The following PACS2 variants were observed in gnomAD, a reference collection of about 807,000 sequenced individuals.
PACS2 encodes the protein phosphofurin acidic cluster sorting protein 2.
In PACS2, 36 loss-of-function variants were observed where a neutral mutation model predicts 113.0. The ratio of observed to expected loss-of-function variants is 0.32; its 90% CI spans 0.24 to 0.42. The LOEUF is 0.42. Among genes scored for constraint, PACS2 ranks in the 10% least tolerant of loss-of-function variants. The probability of loss-of-function intolerance (pLI) is 1.00; values close to 1 mark genes in which losing one functional copy is unlikely to be tolerated. For missense variants in PACS2, 1,015 were observed against 1,239.5 expected, an observed-to-expected ratio of 0.82 and a Z score of 2.72; for synonymous variants, 589 against 536.1, an observed-to-expected ratio of 1.10 and a Z score of -1.36.
chr14:105,346,246 G>A (rs75511794), intron 1 of PACS2, among the ~76,000 whole-genome samples: 2,183 of 152,210 alleles, frequency 0.014, 57 homozygotes, highest in African/African-American at 0.05. Context: ...GGGTAGGTCC[G>A]TCTTCCAGTG....
chr14:105,394,178 G>A lies in PACS2; in HGVS notation c.2597-376G>A. 4.1e-6 allele frequency: 4 copies of A among 985,342 alleles called. No individual in the cohort carries two copies. In the South Asian group the frequency reaches 1.4e-4, roughly 35 times the overall value. 61.0% of individuals were successfully genotyped at this position (985,342 alleles called of 1,614,324 possible). On this transcript the variant is annotated intron_variant, in intron 24 of 24. Coordinates refer to ENST00000447393, the MANE Select transcript of PACS2 (RefSeq NM_001100913.3). The stretch of plus-strand genomic sequence containing the variant: ...CGACGTGGCCCTGTCTCCCCACAGG[G>A]GTCTCTGTTTTAAGGGGGCTCCCAC...
At chr14:105,314,562 AGCGCGCGCGCACCTCACTTCCG>A (rs2058469477), upstream of PACS2, 1 of 144,930 alleles carries the variant, frequency 6.9e-6, no homozygotes, top group African/African-American at 2.5e-5. Context: ...CGCCGGAGGA[AGCGCGCGCGCACCTCACTTCCG>A]GCGCGCGCTG....
At position 105,357,608 on chromosome 14, in the gene PACS2, G is replaced by T. The variant is rs1307767396; in HGVS notation, c.423+2431G>T. On this transcript the variant is annotated intron_variant, in intron 4 of 24. Coordinates refer to ENST00000447393, the MANE Select transcript of PACS2 (RefSeq NM_001100913.3). This position sits in a 1 kb window ranked among gnomAD's most constrained non-coding sequence, Gnocchi z 5.1. ...CTGTGTCCTGCCACCTTTTGGGGCT[G>T]GTTCCCACCTGTGAGCGTTGCTGGC... Among the ~76,000 whole-genome samples the T allele has an allele frequency of 6.6e-6, 1 of 152,182 alleles. No homozygotes were observed. Among genetic ancestry groups the T allele is most frequent in the African/African-American group, 2.4e-5 (1 of 41,448 alleles).
intron 4 of PACS2, among the ~76,000 whole-genome samples, chr14:105,364,483 G>GGCGGC (rs1555407480): frequency 8.9e-5 from 13 of 146,656 alleles, no homozygotes; most frequent in East Asian, 4.0e-4. Flanking sequence ...GTGCGCGGTG[G>GGCGGC]GTGGCGGCCC....
intron 2 of PACS2, among the ~76,000 whole-genome samples, chr14:105,349,014 G>T (rs2060049777): frequency 6.6e-6 from 1 of 152,234 alleles, no homozygotes; most frequent in Admixed American, 6.5e-5. Context: ...TGGTGCCAGG[G>T]CCTCTCTCCT....
Position 105,330,477 on chromosome 14 carries a change from A to C in PACS2, c.119+15440A>C, listed in dbSNP as rs139234344. 2.3e-3 allele frequency among the ~76,000 whole-genome samples: 347 copies of C among 152,272 alleles called. 2 individuals carry two copies. The highest frequency in any genetic ancestry group is 7.4e-3 in the African/African-American group (308 of 41,562). On this transcript the variant is annotated intron_variant, in intron 1 of 24. Coordinates refer to ENST00000447393, the MANE Select transcript of PACS2 (RefSeq NM_001100913.3). The surrounding 1 kb of genome is among the most constrained non-coding windows in gnomAD (Gnocchi z 6.9). The stretch of plus-strand genomic sequence containing the variant: ...ACACAGGGGAAGGTTACTGTGCCGC[A>C]GAGTTTTCTTTCCGAGCACTCAATG...
intron 19 of PACS2, chr14:105,389,272 G>A (rs2141288474): frequency 6.6e-6 from 1 of 152,640 alleles, no homozygotes; most frequent in East Asian, 1.9e-4. Context: ...GCCAGATGTT[G>A]TATGGGGCCA....
chr14:105,307,840 C>T (rs587727098), intron 1 of PACS2, among the ~76,000 whole-genome samples: 146 of 152,324 alleles, frequency 9.6e-4, no homozygotes, highest in African/African-American at 3.4e-3. Context: ...GTCTGTTCTC[C>T]GCAACTCGAG....
chr14:105,325,507 G>A (rs1261159419), intron 1 of PACS2, among the ~76,000 whole-genome samples: 3 of 152,060 alleles, frequency 2.0e-5, no homozygotes, highest in African/African-American at 4.8e-5. Flanking sequence ...TCTGTCTCTC[G>A]ACTGCCCCAT....
intron 1 of PACS2, among the ~76,000 whole-genome samples, chr14:105,338,911 A>C (rs2059623372): frequency 6.6e-6 from 1 of 150,738 alleles, no homozygotes; most frequent in Non-Finnish European, 1.5e-5. Context: ...CCCTCCTTCC[A>C]CCCACCCAGC....
chr14:105,367,950 G>A, intron 5 of PACS2, 124 bp from the exon 6 acceptor site: 1 of 718,738 alleles, frequency 1.4e-6, no homozygotes, highest in Non-Finnish European at 2.5e-6. Context: ...GAGCCCCTCT[G>A]TCCTGCATGG....
chr14:105,392,854 G>C lies in PACS2; in HGVS notation c.2482+9G>C, dbSNP rs782003124. 6.3e-7 allele frequency: 1 copy of C among 1,587,998 alleles called. No homozygotes were observed. The highest frequency in any genetic ancestry group is 8.6e-7 in the Non-Finnish European group (1 of 1,168,722). ...GGAGAAGAACAAGAAGGGTGAGGTG[G>C]GGCAGGCTATAAGGCCACACGGCGC... On this transcript the variant is annotated intron_variant, in intron 23 of 24. Transcript: ENST00000447393.
chr14:105,310,929 T>A (rs906497428), upstream of PACS2, among the ~76,000 whole-genome samples: 3 of 152,248 alleles, frequency 2.0e-5, no homozygotes, highest in African/African-American at 7.2e-5. Flanking sequence ...AAATACATAC[T>A]GCACATGGAC....
At chr14:105,333,187 A>G (rs1054667122) in intron 1 of PACS2, among the ~76,000 whole-genome samples, 1 of 151,848 alleles carries the variant, frequency 6.6e-6, no homozygotes, top group African/African-American at 2.4e-5. Context: ...CCTGTTCCCT[A>G]CCAGTCCCCA....
upstream of PACS2, among the ~76,000 whole-genome samples, chr14:105,312,807 A>C (rs974100552): frequency 1.3e-5 from 2 of 152,188 alleles, no homozygotes; most frequent in Non-Finnish European, 2.9e-5. Flanking sequence ...AAACAAACAT[A>C]AACGTGGTCG....
In PACS2 at chr14:105,340,495, T is replaced by C. The variant is rs1375119653; in HGVS notation, c.120-7998T>C. ...TCCAGTGAAACTGTCCCACCTCCGATCATCAGCCATCAGATTCTCATAAGC... is the reference window on the plus strand; with the variant it reads ...TCCAGTGAAACTGTCCCACCTCCGACCATCAGCCATCAGATTCTCATAAGC... On this transcript the variant is annotated intron_variant, in intron 1 of 24. Coordinates refer to ENST00000447393, the MANE Select transcript of PACS2 (RefSeq NM_001100913.3). The surrounding 1 kb of genome is among the most constrained non-coding windows in gnomAD (Gnocchi z 4.2). Among the ~76,000 whole-genome samples, 1 of 152,174 alleles carries C rather than the reference T, an allele frequency of 6.6e-6. No individual in the cohort carries two copies. Among genetic ancestry groups the C allele is most frequent in the Non-Finnish European group, 1.5e-5 (1 of 68,030 alleles).
At chr14:105,391,525 A>G in intron 21 of PACS2, 106 bp from the exon 22 acceptor site, 1 of 393,796 alleles carries the variant, frequency 2.5e-6, no homozygotes, top group Non-Finnish European at 4.8e-6. Context: ...CACCCTGCCC[A>G]CCCCCAGGAG....
intron 20 of PACS2, chr14:105,390,417 A>G: frequency 4.3e-6 from 1 of 231,306 alleles, no homozygotes; most frequent in Non-Finnish European, 8.8e-6. Flanking sequence ...TGTGGGTTTC[A>G]CTTCCTGCCC....
Position 105,379,771 on chromosome 14 carries a change from C to T in PACS2, c.992C>T (p.Ser331Leu), listed in dbSNP as rs782775661. 5 of 1,613,716 alleles carry T rather than the reference C, an allele frequency of 3.1e-6. No individual in the cohort carries two copies. The highest frequency in any genetic ancestry group is 1.7e-5 in the Admixed American group (1 of 60,022). The change falls in exon 10 of 25, where the codon TCG becomes TTG. Residue 331 changes from serine (S) to leucine (L), a missense_variant. Physicochemically the swap from Ser to Leu is moderately radical, Grantham distance 145. This residue lies in a region of PACS2 where 859 missense variants were observed against 1,056.8 expected (regional missense o/e 0.81). Coordinates refer to ENST00000447393, the MANE Select transcript of PACS2 (RefSeq NM_001100913.3). ...TTTGAAGGCCTGTCGCACTCGAGCT[C>T]GCAGACGGAGATTGGGAGCATCCAC... ...PYFEGLSHSS[S>L]QTEIGSIHSA...
Sources: allele counts gnomAD v4.1 joint callset (sites outside exome capture counted in the v4.1 genomes callset), GRCh38; gene constraint gnomAD v4.1.1; regional missense constraint gnomAD v4.1.1; non-coding constraint Gnocchi (gnomAD v3.1); transcripts MANE v1.5; gene names NCBI Gene and HGNC (gene_info 2026-07-23, HGNC 2026-07-21).